CAPN7: variants seen among roughly 807,000 people sequenced by gnomAD.
CAPN7 encodes the protein calpain-7.
A neutral mutation model predicts 115.2 loss-of-function variants in CAPN7; 72 were observed. The ratio of observed to expected loss-of-function variants is 0.63; its 90% confidence interval spans 0.52 to 0.76. The LOEUF (loss-of-function observed/expected upper bound fraction) is 0.76, where lower values mean the gene tolerates loss of function less well. CAPN7 is among the 30% of genes least tolerant of loss of function. The pLI is 0.00. For synonymous variants in CAPN7, 344 were observed against 322.3 expected (o/e 1.07, Z -0.72); for missense variants, 905 against 971.5 (o/e 0.93, Z 0.91).
At chr3:15,222,898 C>T (rs1418789671) in intron 5 of CAPN7, among the ~76,000 whole-genome samples, 1 of 152,108 alleles carries the variant, frequency 6.6e-6, no homozygotes, top group Non-Finnish European at 1.5e-5. Context: ...TCTGCAACAT[C>T]TCATAAATAG....
chr3:15,234,636 G>T (rs951409624), intron 11 of CAPN7, among the ~76,000 whole-genome samples: 1 of 152,150 alleles, frequency 6.6e-6, no homozygotes, highest in Non-Finnish European at 1.5e-5. Context: ...CCATTTAAGG[G>T]ACTGGAAGTT....
chr3:15,227,942 G>A lies in CAPN7; in HGVS notation c.829G>A (p.Val277Met). The A allele has an allele frequency of 6.8e-7, 1 of 1,476,358 alleles. No individual in the cohort carries two copies. The allele number at this position is 1,476,358 out of a possible 1,614,324, so 91.5% of individuals were successfully genotyped here. Residue 277 changes from valine to methionine, a missense_variant, in exon 7 of 21, where the codon GTG becomes ATG. Val to Met is a conservative substitution (Grantham distance 21, BLOSUM62 1). This residue lies in a region of CAPN7 where 620 missense variants were observed against 703.4 expected (regional missense o/e 0.88). Coordinates refer to ENST00000253693, the MANE Select transcript of CAPN7 (RefSeq NM_014296.3). ...CAACAATCCTACAATGATATATACT[G>A]TGTCCAGTTTTAGCATAAAGCAGGT... ...LTNNPTMIYT[V>M]SSFSIKQTIV...
chr3:15,226,789 CA>C (rs1339928575), intron 6 of CAPN7, among the ~76,000 whole-genome samples: 1 of 151,734 alleles, frequency 6.6e-6, no homozygotes, highest in Non-Finnish European at 1.5e-5. Context: ...ATACTTTAAC[CA>C]GGAGTTTGTA....
At chr3:15,224,737 T>C (rs1694213199) in intron 6 of CAPN7, among the ~76,000 whole-genome samples, 1 of 152,174 alleles carries the variant, frequency 6.6e-6, no homozygotes, top group African/African-American at 2.4e-5. Flanking sequence ...GCATGTTATA[T>C]TTATTATTAG....
At chr3:15,216,577 A>C (rs1693612171) in intron 2 of CAPN7, among the ~76,000 whole-genome samples, 1 of 152,200 alleles carries the variant, frequency 6.6e-6, no homozygotes, top group Non-Finnish European at 1.5e-5. Context: ...ATATTATTTC[A>C]AAGAGCAATG....
At chr3:15,232,697 A>G (rs1227836097) in intron 10 of CAPN7, 32 bp downstream of exon 10, 6 of 1,555,138 alleles carry the variant, frequency 3.9e-6, no homozygotes, top group Non-Finnish European at 2.6e-6. Context: ...CCAGACACAG[A>G]TTTAAGCTAT....
intron 1 of CAPN7, among the ~76,000 whole-genome samples, chr3:15,208,771 A>G (rs779973317): frequency 6.6e-5 from 10 of 152,196 alleles, no homozygotes; most frequent in Non-Finnish European, 1.0e-4. Flanking sequence ...ATCAAAGGGT[A>G]TGAGCTTCCA....
At chr3:15,244,429 G>C (rs535269853) in intron 16 of CAPN7, among the ~76,000 whole-genome samples, 2 of 152,128 alleles carry the variant, frequency 1.3e-5, no homozygotes, top group Non-Finnish European at 2.9e-5. Context: ...AAATAGGACA[G>C]GCCTTGTTCC....
Position 15,217,429 on chromosome 3 carries a change from G to A in CAPN7, c.216G>A (p.Gln72=). The change falls in exon 3 of 21, where the codon CAG becomes CAA. Residue 72 remains glutamine, a synonymous_variant. Coordinates refer to ENST00000253693, the MANE Select transcript of CAPN7 (RefSeq NM_014296.3). The stretch of plus-strand genomic sequence containing the variant: ...GTATTTTTTTTTCTATCCTAGTTCA[G>A]TCAAAGAGTGCTGATCCTTTGAAGT... ...ERVQALHSAV[Q]SKSADPLKSK... 1 of 1,609,516 alleles carries A rather than the reference G, an allele frequency of 6.2e-7. No individual in the cohort carries two copies. The highest frequency in any genetic ancestry group is 8.5e-7 in the Non-Finnish European group (1 of 1,178,112).
chr3:15,231,530 A>T (rs997516219), intron 9 of CAPN7, among the ~76,000 whole-genome samples: 15 of 151,726 alleles, frequency 9.9e-5, no homozygotes, highest in African/African-American at 3.6e-4. Context: ...TATCTCTGAG[A>T]ACACTTTTTT....
intron 9 of CAPN7, among the ~76,000 whole-genome samples, chr3:15,231,314 T>C (rs1694671892): frequency 6.6e-6 from 1 of 152,166 alleles, no homozygotes; most frequent in South Asian, 2.1e-4. Context: ...GATCAAAATT[T>C]GCATTTCTAA....
chr3:15,241,603 C>T lies in CAPN7; in HGVS notation c.1788+15C>T. The stretch of plus-strand genomic sequence containing the variant: ...TAACAGACAAGGTACTGATACCCTT[C>T]TAATGATATCCCATACAGAAATTTT... On this transcript the variant is annotated intron_variant, in intron 15 of 20. Transcript: ENST00000253693. 6.2e-7 allele frequency: 1 copy of T among 1,606,546 alleles called. No homozygotes were observed. Among genetic ancestry groups the T allele is most frequent in the Non-Finnish European group, 8.5e-7 (1 of 1,175,978 alleles).
At chr3:15,210,705 C>T in intron 1 of CAPN7, 1 of 1,000,592 alleles carries the variant, frequency 1.0e-6, no homozygotes, top group Admixed American at 2.4e-5. Flanking sequence ...AGGTGATCCT[C>T]CCGCCTCAGC....
At chr3:15,239,602 T>TA (rs1328314141) in intron 12 of CAPN7, among the ~76,000 whole-genome samples, 2 of 152,236 alleles carry the variant, frequency 1.3e-5, no homozygotes, top group Non-Finnish European at 2.9e-5. Flanking sequence ...ACTAATGTAA[T>TA]ACAGATTGCT....
intron 1 of CAPN7, among the ~76,000 whole-genome samples, chr3:15,207,741 T>A (rs1236899473): frequency 2.0e-5 from 3 of 152,060 alleles, no homozygotes; most frequent in African/African-American, 7.2e-5. Flanking sequence ...ACCTCCAATC[T>A]TGTCCCACTG....
chr3:15,215,977 T>A (rs1246924221), intron 2 of CAPN7, among the ~76,000 whole-genome samples: 1 of 152,108 alleles, frequency 6.6e-6, no homozygotes, highest in Non-Finnish European at 1.5e-5. Flanking sequence ...TCCCAGCTAC[T>A]TGGGAGGCTG....
At chr3:15,227,698 T>G (rs1309080640) in intron 6 of CAPN7, 141 bp from the exon 7 acceptor site, 2 of 417,638 alleles carry the variant, frequency 4.8e-6, no homozygotes, top group African/African-American at 4.1e-5. Context: ...AAGAGCCAGA[T>G]TTGACCAGAA....
intron 16 of CAPN7, among the ~76,000 whole-genome samples, chr3:15,244,820 A>C (rs1222751095): frequency 1.3e-5 from 2 of 152,052 alleles, no homozygotes; most frequent in Non-Finnish European, 2.9e-5. Context: ...ATAAAATGTC[A>C]TATTTGTATG....
In CAPN7 at chr3:15,206,344, G is replaced by A. The variant is rs2124832967; in HGVS notation, c.-152G>A. On this transcript the variant is annotated 5_prime_UTR_variant, in exon 1 of 21. Coordinates refer to ENST00000253693, the MANE Select transcript of CAPN7 (RefSeq NM_014296.3). ...CGCGGTGGACCCCAGCCCGGCAACG[G>A]GAAGGCGAGCTCTCCTCCACCGTCC... is the stretch of plus-strand genomic sequence containing the variant. The A allele has an allele frequency of 1.7e-6, 1 of 574,390 alleles. No individual in the cohort carries two copies. Among genetic ancestry groups the A allele is most frequent in the Non-Finnish European group, 3.0e-6 (1 of 332,394 alleles). 35.6% of individuals were successfully genotyped at this position (574,390 alleles called of 1,614,324 possible). A position where few individuals can be genotyped will look rare whatever the true frequency, so the allele number is the denominator to read the frequency against.
Sources: allele counts gnomAD v4.1 joint callset (sites outside exome capture counted in the v4.1 genomes callset), GRCh38; gene constraint gnomAD v4.1.1; regional missense constraint gnomAD v4.1.1; transcripts MANE v1.5; gene names NCBI Gene and HGNC (gene_info 2026-07-23, HGNC 2026-07-21).